DNAH14: variants seen among roughly 807,000 people sequenced by gnomAD.
The protein encoded by DNAH14 is axonemal beta dynein heavy chain 14.
A neutral mutation model predicts 520.9 loss-of-function variants in DNAH14; 478 were observed. The ratio of observed to expected loss-of-function variants is 0.92; its 90% confidence interval spans 0.85 to 0.99. The LOEUF (loss-of-function observed/expected upper bound fraction) is 0.99, where lower values mean the gene tolerates loss of function less well. Among genes scored for constraint, DNAH14 ranks in the 50% least tolerant of loss-of-function variants. DNAH14 has a pLI of 0.00. For missense variants in DNAH14, 4,831 were observed against 5,234.5 expected (o/e 0.92, Z 2.38); for synonymous variants, 1,581 against 1,757.2 (o/e 0.90, Z 2.51).
chr1:225,304,868 G>T, intron 57 of DNAH14, 40 bp from the exon 58 acceptor site: 5 of 1,442,752 alleles, frequency 3.5e-6, no homozygotes, highest in South Asian at 2.9e-5. Context: ...TGTATATTTG[G>T]ATTGCTTTCT....
chr1:225,379,302 A>G lies in DNAH14; in HGVS notation c.12717-857A>G, dbSNP rs1315733897. Among the ~76,000 whole-genome samples the G allele has an allele frequency of 2.0e-5, 3 of 152,318 alleles. No individual in the cohort carries two copies. The South Asian group carries it at 6.2e-4, about 32-fold the overall frequency. ...AAGAAATCCTAAAAAAGCTTTTATA[A>G]TACATATTTCCTTGCAAATGTCTAA... On this transcript the variant is annotated intron_variant, in intron 79 of 85. Transcript: ENST00000682510.
chr1:225,327,803 C>T (rs2094709476), intron 64 of DNAH14, among the ~76,000 whole-genome samples: 1 of 151,220 alleles, frequency 6.6e-6, no homozygotes, highest in Non-Finnish European at 1.5e-5. Flanking sequence ...TTGAAGAGAT[C>T]ATCAAAATGA....
intron 46 of DNAH14, among the ~76,000 whole-genome samples, chr1:225,261,769 G>T (rs1207138331): frequency 1.3e-5 from 2 of 151,852 alleles, no homozygotes; most frequent in African/African-American, 4.8e-5. Context: ...ATCCAATTCT[G>T]GGCTTTTCTT....
chr1:224,993,389 G>A (rs2063184892), intron 8 of DNAH14, among the ~76,000 whole-genome samples: 2 of 151,914 alleles, frequency 1.3e-5, no homozygotes, highest in African/African-American at 4.8e-5. Flanking sequence ...TTTTTGGTCT[G>A]TTCAGATTTT....
intron 38 of DNAH14, among the ~76,000 whole-genome samples, chr1:225,199,131 A>C (rs1573931123): frequency 6.6e-6 from 1 of 152,172 alleles, no homozygotes; most frequent in Admixed American, 6.5e-5. Context: ...TATGCACATA[A>C]AAGTGTTCAC....
chr1:225,201,563 A>G (rs10915797), intron 38 of DNAH14, among the ~76,000 whole-genome samples: 23,430 of 152,080 alleles, frequency 0.15, 2,109 homozygotes, highest in East Asian at 0.36. Context: ...GTATTCCCTT[A>G]ATGTAGTACT....
At chr1:225,088,978 G>C (rs914034471) in intron 21 of DNAH14, among the ~76,000 whole-genome samples, 2 of 152,188 alleles carry the variant, frequency 1.3e-5, no homozygotes, top group African/African-American at 4.8e-5. Context: ...ACAAGGAATA[G>C]TCTTGACCCA....
intron 52 of DNAH14, among the ~76,000 whole-genome samples, chr1:225,274,210 T>A (rs1211624317): frequency 7.5e-6 from 1 of 133,104 alleles, no homozygotes. Context: ...TTTTTTTTTT[T>A]TTTTTTTTTT....
At chr1:225,344,865 C>T (rs1469492352) in intron 69 of DNAH14, among the ~76,000 whole-genome samples, 2 of 152,090 alleles carry the variant, frequency 1.3e-5, no homozygotes, top group East Asian at 1.9e-4. Context: ...CAGGTGTGCA[C>T]CATCACACCC....
At chr1:225,228,493 AG>A (rs2090770245) in intron 41 of DNAH14, among the ~76,000 whole-genome samples, 1 of 152,176 alleles carries the variant, frequency 6.6e-6, no homozygotes, top group South Asian at 2.1e-4. Context: ...AGCAGACGTA[AG>A]GCAACTTAAA....
At chr1:225,203,002 G>A (rs1158548611) in intron 38 of DNAH14, among the ~76,000 whole-genome samples, 4 of 152,158 alleles carry the variant, frequency 2.6e-5, no homozygotes, top group Admixed American at 2.6e-4. Flanking sequence ...GTTTGGGGGT[G>A]GATGATCCCC....
chr1:224,975,735 GCT>G (rs1395064717), intron 8 of DNAH14, among the ~76,000 whole-genome samples: 1 of 151,216 alleles, frequency 6.6e-6, no homozygotes, highest in Admixed American at 6.6e-5. Context: ...CTTCAGTTCT[GCT>G]CTGATTTTAG....
At chr1:225,043,600 C>A (rs2067680212) in intron 13 of DNAH14, 144 bp from the exon 14 acceptor site, 1 of 623,276 alleles carries the variant, frequency 1.6e-6, no homozygotes. Context: ...ATGGGGTGTA[C>A]TGCTTCAGTA....
intron 17 of DNAH14, among the ~76,000 whole-genome samples, chr1:225,057,233 G>A (rs1204286331): frequency 6.6e-6 from 1 of 152,144 alleles, no homozygotes; most frequent in Non-Finnish European, 1.5e-5. Context: ...AGTTCTCCTT[G>A]AAGAGGTCCT....
chr1:225,270,868 T>A lies in DNAH14; in HGVS notation c.7671+2T>A. On this transcript the variant is annotated splice_donor_variant, in intron 50 of 85. Coordinates refer to ENST00000682510, the MANE Select transcript of DNAH14 (RefSeq NM_001367479.1). LOFTEE classifies it high-confidence loss of function. ...GACATCTTATGTACTATTTTCCAGG[T>A]AACACATCTAGTTCATTTTCTACTG... 2 of 1,549,680 alleles carry A rather than the reference T, an allele frequency of 1.3e-6. No individual in the cohort carries two copies. The highest frequency in any genetic ancestry group is 1.7e-6 in the Non-Finnish European group (2 of 1,146,162).
rs1308345662 is a variant in DNAH14 at position 225,159,321 on chromosome 1, A to G, written c.5281A>G (p.Ser1761Gly). ...TKKREFKCDT[S>G]DSLSEADETL... is the part of the protein sequence containing the mutation. Reference sequence around the variant, plus strand: ...TTTCTTCTACCATTGAAGTGATACCAGTGACAGTCTTTCTGAAGCAGATGA... The same window carrying G: ...TTTCTTCTACCATTGAAGTGATACCGGTGACAGTCTTTCTGAAGCAGATGA... Residue 1761 changes from serine to glycine, a missense_variant, in exon 35 of 86, where the codon AGT becomes GGT. Ser to Gly is a moderately conservative substitution (Grantham distance 56). Coordinates refer to ENST00000682510, the MANE Select transcript of DNAH14 (RefSeq NM_001367479.1). 1 of 1,551,138 alleles carries G rather than the reference A, an allele frequency of 6.4e-7. No individual in the cohort carries two copies. Among genetic ancestry groups the G allele is most frequent in the Admixed American group, 2.0e-5 (1 of 50,840 alleles).
At chr1:225,276,252 A>G (rs2093466361) in intron 53 of DNAH14, among the ~76,000 whole-genome samples, 171 bp downstream of exon 53, 1 of 152,112 alleles carries the variant, frequency 6.6e-6, no homozygotes, top group Admixed American at 6.6e-5. Context: ...AGATCAGGGG[A>G]AAATGCTTAC....
At chr1:225,335,115 A>G (rs1317422517) in intron 66 of DNAH14, among the ~76,000 whole-genome samples, 5 of 147,696 alleles carry the variant, frequency 3.4e-5, no homozygotes, top group Admixed American at 1.4e-4. Flanking sequence ...ATATACATAT[A>G]TACATGTGTA....
At chr1:225,054,955 T>A (rs1040680709) in intron 17 of DNAH14, among the ~76,000 whole-genome samples, 1 of 152,082 alleles carries the variant, frequency 6.6e-6, no homozygotes, top group Non-Finnish European at 1.5e-5. Flanking sequence ...TTTAATGCAC[T>A]TTTTTTCCAT....
Sources: gnomAD v4.1 joint callset for allele counts (sites outside exome capture counted in the v4.1 genomes callset) on GRCh38, gnomAD v4.1.1 for gene constraint, MANE v1.5 for transcripts, NCBI Gene and HGNC (gene_info 2026-07-23, HGNC 2026-07-21) for gene names.